BANF2: variants seen among roughly 807,000 people sequenced by gnomAD.
The protein encoded by BANF2 is BANF family member 2.
Under a neutral mutation model 8.0 loss-of-function variants are expected in BANF2, and 4 were observed. The observed-to-expected ratio is 0.50, with a 90% CI of 0.25 to 1.14. The LOEUF (loss-of-function observed/expected upper bound fraction) is 1.14, where lower values mean the gene tolerates loss of function less well. Ranked by LOEUF, BANF2 falls within the 50% of genes most tolerant of loss-of-function variation. The pLI is 0.16. For synonymous variants in BANF2, 50 were observed against 40.6 expected, an observed-to-expected ratio of 1.23 and a Z score of -0.88; for missense variants, 96 against 107.5, an observed-to-expected ratio of 0.89 and a Z score of 0.47.
chr20:17,710,173 TC>T lies in BANF2; in HGVS notation c.-167+10122del, dbSNP rs2037548202. On this transcript the variant is annotated intron_variant, in intron 1 of 3. Coordinates refer to ENST00000246090, the MANE Select transcript of BANF2 (RefSeq NM_178477.5). ...CGAGGGCTGCTCCCAAGGTGTCTCG[TC>T]CCCAGCCCTGTCCACTTGCAGGGCG... Among the ~76,000 whole-genome samples, 3 of 152,224 alleles carry T rather than the reference TC, an allele frequency of 2.0e-5. No homozygotes were observed. The South Asian group carries it at 6.2e-4, about 32-fold the overall frequency.
intron 3 of BANF2, among the ~76,000 whole-genome samples, chr20:17,730,616 C>T (rs1568820461): frequency 6.6e-6 from 1 of 152,228 alleles, no homozygotes; most frequent in East Asian, 1.9e-4. Context: ...TCAGGGGCGT[C>T]CCATCTCCTC....
intron 1 of BANF2, among the ~76,000 whole-genome samples, chr20:17,710,805 A>ACGG (rs1329904238): frequency 8.5e-5 from 13 of 152,238 alleles, no homozygotes; most frequent in Non-Finnish European, 1.6e-4. Context: ...GGCCGGCCTA[A>ACGG]CGGCGGCTGA....
intron 1 of BANF2, among the ~76,000 whole-genome samples, chr20:17,694,594 TC>T (rs1555821539): frequency 1.6e-5 from 1 of 62,984 alleles, no homozygotes; most frequent in Non-Finnish European, 3.3e-5. Flanking sequence ...TTTTGTTTTT[TC>T]TCTCTCTTTT....
chr20:17,725,972 A>G (rs186721749), intron 3 of BANF2, among the ~76,000 whole-genome samples: 208 of 152,284 alleles, frequency 1.4e-3, no homozygotes, highest in African/African-American at 4.3e-3. Context: ...CATGAGAGCC[A>G]TGGTTTTCTG....
At chr20:17,718,021 A>G (rs745377597) in intron 1 of BANF2, among the ~76,000 whole-genome samples, 7 of 152,256 alleles carry the variant, frequency 4.6e-5, no homozygotes, top group African/African-American at 9.6e-5. Flanking sequence ...ATTTGATTTC[A>G]TAATTTAATT....
chr20:17,700,221 T>C (rs1488077787), intron 1 of BANF2, among the ~76,000 whole-genome samples, 166 bp downstream of exon 1: 1 of 152,190 alleles, frequency 6.6e-6, no homozygotes, highest in East Asian at 1.9e-4. Context: ...CTGACTCACC[T>C]GATGCACACA....
intron 1 of BANF2, among the ~76,000 whole-genome samples, chr20:17,704,512 C>G (rs1399473237): frequency 6.6e-6 from 1 of 152,202 alleles, no homozygotes; most frequent in Non-Finnish European, 1.5e-5. Context: ...TTGGGTTAAG[C>G]ATTACCCACT....
intron 1 of BANF2, among the ~76,000 whole-genome samples, chr20:17,694,597 CTCTCTTTTTTTTT>C (rs1568802197): frequency 2.8e-5 from 1 of 36,284 alleles, no homozygotes; most frequent in African/African-American, 7.3e-5. Context: ...TGTTTTTTCT[CTCTCTTTTTTTTT>C]TTTTTTTTTT....
intron 1 of BANF2, among the ~76,000 whole-genome samples, chr20:17,709,619 G>A (rs1467821232): frequency 6.6e-6 from 1 of 152,134 alleles, no homozygotes; most frequent in African/African-American, 2.4e-5. Context: ...TCAGTCCAAA[G>A]CTAGAAGGAG....
rs541538240 is a variant in BANF2, at chr20:17,725,496, C to G, written c.126+345C>G. Among the ~76,000 whole-genome samples, 12 of 152,326 alleles carry G rather than the reference C, an allele frequency of 7.9e-5. No individual in the cohort carries two copies. In the East Asian group the frequency reaches 1.4e-3, roughly 17 times the overall value. On this transcript the variant is annotated intron_variant, in intron 3 of 3. Coordinates refer to ENST00000246090, the MANE Select transcript of BANF2 (RefSeq NM_178477.5). ...GGATGATTTAGGTGCACTCCATGCCCCCATGAAGGGACTCATGGCATCTCG... is the reference window on the plus strand; with the variant it reads ...GGATGATTTAGGTGCACTCCATGCCGCCATGAAGGGACTCATGGCATCTCG...
intron 1 of BANF2, among the ~76,000 whole-genome samples, chr20:17,694,633 T>A (rs1204704570): frequency 2.2e-4 from 25 of 112,966 alleles, no homozygotes; most frequent in Admixed American, 4.2e-4. Flanking sequence ...TTTTTTTTTT[T>A]ATTGAGACAG....
chr20:17,703,217 C>G (rs752846202), intron 1 of BANF2, among the ~76,000 whole-genome samples: 1 of 152,172 alleles, frequency 6.6e-6, no homozygotes, highest in Non-Finnish European at 1.5e-5. Context: ...CTAATTGTGT[C>G]CCCAGCCCCA....
chr20:17,727,652 C>G (rs997892735), intron 3 of BANF2, among the ~76,000 whole-genome samples: 4 of 151,934 alleles, frequency 2.6e-5, no homozygotes, highest in African/African-American at 7.3e-5. Flanking sequence ...CCAGCAATGA[C>G]AGCATCCTGG....
At chr20:17,696,945 T>G (rs574883717), upstream of BANF2, among the ~76,000 whole-genome samples, 1 of 152,010 alleles carries the variant, frequency 6.6e-6, no homozygotes, top group South Asian at 2.1e-4. Flanking sequence ...CTCTAAGAGA[T>G]CTGATGGTGA....
chr20:17,716,841 C>CTCA (rs760597118), intron 1 of BANF2, among the ~76,000 whole-genome samples: 1 of 89,908 alleles, frequency 1.1e-5, no homozygotes, highest in Admixed American at 1.4e-4. Flanking sequence ...GACTCCATCT[C>CTCA]AAAAAAAAAA....
At chr20:17,717,308 G>A (rs2037668929) in intron 1 of BANF2, among the ~76,000 whole-genome samples, 1 of 152,088 alleles carries the variant, frequency 6.6e-6, no homozygotes, top group Admixed American at 6.6e-5. Flanking sequence ...AGACTGGAGT[G>A]TTCTCAGGGC....
chr20:17,699,520 G>A (rs1178522257), upstream of BANF2, among the ~76,000 whole-genome samples: 4 of 152,192 alleles, frequency 2.6e-5, no homozygotes, highest in East Asian at 7.7e-4. Context: ...TAGGGGGAAA[G>A]TCACGGGTAT....
At chr20:17,715,886 A>G (rs1257102955) in intron 1 of BANF2, among the ~76,000 whole-genome samples, 2 of 152,228 alleles carry the variant, frequency 1.3e-5, no homozygotes, top group Non-Finnish European at 2.9e-5. Context: ...GCCGTCAGGC[A>G]TGTCTAAATC....
At chr20:17,713,050 C>A (rs1439023832) in intron 1 of BANF2, among the ~76,000 whole-genome samples, 1 of 151,982 alleles carries the variant, frequency 6.6e-6, no homozygotes, top group Non-Finnish European at 1.5e-5. Context: ...GAGTTCAAGA[C>A]CAGCCTGGGC....
Sources: allele counts gnomAD v4.1 joint callset (sites outside exome capture counted in the v4.1 genomes callset), GRCh38; gene constraint gnomAD v4.1.1; transcripts MANE v1.5; gene names NCBI Gene and HGNC (gene_info 2026-07-23, HGNC 2026-07-21).